Variants in SCFD2 observed in about 807,000 individuals in gnomAD.
SCFD2 encodes sec1 family domain-containing protein 2.
A neutral mutation model predicts 58.9 loss-of-function variants in SCFD2; 54 were observed. The observed-to-expected ratio is 0.92, with a 90% CI of 0.74 to 1.15. The LOEUF is 1.15. Ranked by LOEUF, SCFD2 falls within the 50% of genes most tolerant of loss-of-function variation. The probability of loss-of-function intolerance (pLI) is 0.00; values close to 1 mark genes in which losing one functional copy is unlikely to be tolerated. For missense variants in SCFD2, 805 were observed against 836.6 expected, an observed-to-expected ratio of 0.96 and a Z score of 0.47; for synonymous variants, 321 against 335.9, an observed-to-expected ratio of 0.96 and a Z score of 0.49.
intron 4 of SCFD2, among the ~76,000 whole-genome samples, chr4:53,181,013 T>C (rs1365672317): frequency 6.6e-6 from 1 of 152,138 alleles, no homozygotes; most frequent in Non-Finnish European, 1.5e-5. Flanking sequence ...CAATAATTAA[T>C]AGCTTACCAG....
At chr4:53,236,013 G>A (rs992133658) in intron 4 of SCFD2, among the ~76,000 whole-genome samples, 1 of 152,144 alleles carries the variant, frequency 6.6e-6, no homozygotes, top group Non-Finnish European at 1.5e-5. Flanking sequence ...GGTTAATATT[G>A]AGTGTAAACT....
intron 4 of SCFD2, among the ~76,000 whole-genome samples, chr4:53,245,045 A>T (rs916055737): frequency 2.0e-5 from 3 of 152,130 alleles, no homozygotes; most frequent in Non-Finnish European, 2.9e-5. Flanking sequence ...CACCCTCCCA[A>T]GAATCAACCA....
chr4:53,147,578 C>T (rs1202786308), intron 4 of SCFD2, among the ~76,000 whole-genome samples: 1 of 152,306 alleles, frequency 6.6e-6, no homozygotes, highest in South Asian at 2.1e-4. Flanking sequence ...TGACAAGACA[C>T]AATTTACCAA....
chr4:52,921,462 T>G (rs566285498), intron 5 of SCFD2, among the ~76,000 whole-genome samples: 1 of 152,264 alleles, frequency 6.6e-6, no homozygotes, highest in Non-Finnish European at 1.5e-5. Flanking sequence ...CTCTGTTTTG[T>G]TAGAAGCTCA....
At chr4:53,125,275 T>C (rs951117889) in intron 5 of SCFD2, among the ~76,000 whole-genome samples, 7 of 152,236 alleles carry the variant, frequency 4.6e-5, no homozygotes, top group Non-Finnish European at 8.8e-5. Flanking sequence ...AAATAACTTA[T>C]GATAGAGATG....
At chr4:52,877,311 G>GC (rs1718496723) in intron 8 of SCFD2, among the ~76,000 whole-genome samples, 1 of 152,148 alleles carries the variant, frequency 6.6e-6, no homozygotes, top group Non-Finnish European at 1.5e-5. Flanking sequence ...GCTCTGTGGA[G>GC]GGGTGAAAAG....
At chr4:53,216,237 G>T (rs1378606047) in intron 4 of SCFD2, among the ~76,000 whole-genome samples, 1 of 152,154 alleles carries the variant, frequency 6.6e-6, no homozygotes, top group Non-Finnish European at 1.5e-5. Flanking sequence ...GCTCCTCCTT[G>T]TATCTCTGGT....
At chr4:53,199,622 G>C (rs1226211690) in intron 4 of SCFD2, among the ~76,000 whole-genome samples, 9 of 152,020 alleles carry the variant, frequency 5.9e-5, no homozygotes, top group Non-Finnish European at 1.2e-4. Flanking sequence ...AGGGTTGAAG[G>C]GGGTGGGACT....
intron 7 of SCFD2, among the ~76,000 whole-genome samples, chr4:52,905,495 G>A (rs1161900835): frequency 1.3e-5 from 2 of 152,208 alleles, no homozygotes; most frequent in East Asian, 3.8e-4. Context: ...AGATGCCCTG[G>A]CAACTGAGAA....
chr4:53,214,041 A>C (rs1728719379), intron 4 of SCFD2, among the ~76,000 whole-genome samples: 2 of 152,040 alleles, frequency 1.3e-5, no homozygotes, highest in Non-Finnish European at 2.9e-5. Context: ...ACATTTTCTT[A>C]ATCCAGTCTA....
chr4:52,911,723 T>A (rs1489852828), intron 6 of SCFD2, among the ~76,000 whole-genome samples: 1 of 152,200 alleles, frequency 6.6e-6, no homozygotes, highest in Non-Finnish European at 1.5e-5. Flanking sequence ...TAACAACAAT[T>A]TTGAAATAAC....
chr4:52,925,161 TG>T (rs1049469372), intron 5 of SCFD2, among the ~76,000 whole-genome samples: 1 of 151,946 alleles, frequency 6.6e-6, no homozygotes, highest in African/African-American at 2.4e-5. Flanking sequence ...AATCAGTACA[TG>T]GTAAAGCTAA....
At chr4:52,928,455 A>T (rs1264265006) in intron 5 of SCFD2, among the ~76,000 whole-genome samples, 2 of 152,182 alleles carry the variant, frequency 1.3e-5, no homozygotes, top group African/African-American at 4.8e-5. Context: ...GGAGGTAATG[A>T]TATAAAGATG....
chr4:53,319,321 C>T (rs1032131984), intron 2 of SCFD2, among the ~76,000 whole-genome samples: 2 of 152,200 alleles, frequency 1.3e-5, no homozygotes, highest in Non-Finnish European at 2.9e-5. Context: ...CTACACAATG[C>T]TAATTTTCCA....
intron 2 of SCFD2, among the ~76,000 whole-genome samples, chr4:53,335,930 A>T (rs888644435): frequency 1.3e-5 from 2 of 152,190 alleles, no homozygotes; most frequent in African/African-American, 2.4e-5. Flanking sequence ...AATTTAAATT[A>T]AAAATGCTCT....
At position 53,222,333 on chromosome 4, in the gene SCFD2, T is replaced by C. The variant is rs145914225; in HGVS notation, c.1311+51493A>G. ...AACCTGGAGAAAACCACTATACATGTATGTGCTCTGACATTCTTCCTGAAG... is the reference window on the plus strand; with the variant it reads ...AACCTGGAGAAAACCACTATACATGCATGTGCTCTGACATTCTTCCTGAAG... On this transcript the variant is annotated intron_variant, in intron 4 of 8. Coordinates refer to ENST00000401642, the MANE Select transcript of SCFD2 (RefSeq NM_152540.4). 2.0e-3 allele frequency among the ~76,000 whole-genome samples: 308 copies of C among 152,364 alleles called. 1 individual carries two copies. Among genetic ancestry groups the C allele is most frequent in the African/African-American group, 7.1e-3 (295 of 41,590 alleles).
At chr4:53,228,767 T>C (rs923797605) in intron 4 of SCFD2, among the ~76,000 whole-genome samples, 11 of 152,058 alleles carry the variant, frequency 7.2e-5, no homozygotes, top group Non-Finnish European at 1.3e-4. Context: ...GAAGTTCTGG[T>C]CAGGGCAATC....
At chr4:53,099,062 C>G (rs1252485154) in intron 5 of SCFD2, among the ~76,000 whole-genome samples, 1 of 152,124 alleles carries the variant, frequency 6.6e-6, no homozygotes, top group African/African-American at 2.4e-5. Flanking sequence ...ATCTCAAACA[C>G]CCAGAACAGT....
intron 5 of SCFD2, among the ~76,000 whole-genome samples, chr4:53,111,297 A>T (rs1041195845): frequency 1.3e-5 from 2 of 151,968 alleles, no homozygotes; most frequent in African/African-American, 4.8e-5. Flanking sequence ...TAACAAACCT[A>T]CATGTTCTGC....
Sources: gnomAD v4.1 joint callset for allele counts (sites outside exome capture counted in the v4.1 genomes callset) on GRCh38, gnomAD v4.1.1 for gene constraint, MANE v1.5 for transcripts, NCBI Gene and HGNC (gene_info 2026-07-23, HGNC 2026-07-21) for gene names.